TACR3: variants seen among roughly 807,000 people sequenced by gnomAD.
The protein encoded by TACR3 is tachykinin receptor 3.
A neutral mutation model predicts 35.0 loss-of-function variants in TACR3; 34 were observed. That is an observed-to-expected ratio of 0.97 (90% CI 0.74 to 1.30). The LOEUF is 1.30. Among genes scored for constraint, TACR3 ranks in the 50% most tolerant of loss-of-function variants. TACR3 has a pLI of 0.00. For synonymous variants in TACR3, 233 were observed against 221.1 expected, an observed-to-expected ratio of 1.05 and a Z score of -0.48; for missense variants, 558 against 591.7, an observed-to-expected ratio of 0.94 and a Z score of 0.59.
intron 3 of TACR3, among the ~76,000 whole-genome samples, chr4:103,642,051 G>C (rs1360457826): frequency 2.6e-5 from 4 of 151,852 alleles, no homozygotes; most frequent in African/African-American, 4.8e-5. Context: ...AAGGTCTACT[G>C]AACAGCATGA....
At chr4:103,676,140 C>A (rs1726165536) in intron 1 of TACR3, among the ~76,000 whole-genome samples, 1 of 152,146 alleles carries the variant, frequency 6.6e-6, no homozygotes, top group Non-Finnish European at 1.5e-5. Context: ...ATTTATTCTT[C>A]TCTGTGTTCT....
intron 3 of TACR3, among the ~76,000 whole-genome samples, chr4:103,606,499 A>C (rs1388990715): frequency 3.3e-5 from 5 of 151,842 alleles, no homozygotes; most frequent in African/African-American, 7.3e-5. Flanking sequence ...CTTTTATTTC[A>C]CTGAGCAGTG....
At chr4:103,709,759 C>A (rs141372666) in intron 1 of TACR3, among the ~76,000 whole-genome samples, 6,848 of 152,054 alleles carry the variant, frequency 0.045, 509 homozygotes, top group African/African-American at 0.16. Context: ...ATTCAGGAGA[C>A]CCATGTCACA....
rs754632263 is a variant in TACR3, at chr4:103,589,708, A to T, written c.1372T>A (p.Tyr458Asn). The T allele has an allele frequency of 6.2e-7, 1 of 1,613,986 alleles. No homozygotes were observed. Among genetic ancestry groups the T allele is most frequent in the Non-Finnish European group, 8.5e-7 (1 of 1,179,870 alleles). ...TAAGAATATTCATCCACAGAGGTAT[A>T]GGGTGAGCTTATGAAACTTGAAGTG... Reference protein sequence around the residue: ...SATSSFISSPYTSVDEYS With the variant: ...SATSSFISSPNTSVDEYS The change falls in exon 5 of 5, where the codon TAT becomes AAT. Residue 458 changes from tyrosine (Y) to asparagine (N), a missense_variant. Coordinates refer to ENST00000304883, the MANE Select transcript of TACR3 (RefSeq NM_001059.3).
At chr4:103,701,457 G>A (rs1306596540) in intron 1 of TACR3, among the ~76,000 whole-genome samples, 1 of 152,042 alleles carries the variant, frequency 6.6e-6, no homozygotes, top group Non-Finnish European at 1.5e-5. Context: ...TCAATATTGT[G>A]AAAATGGCCA....
At chr4:103,675,556 G>T (rs748881013) in intron 1 of TACR3, among the ~76,000 whole-genome samples, 2 of 152,202 alleles carry the variant, frequency 1.3e-5, no homozygotes, top group Non-Finnish European at 2.9e-5. Flanking sequence ...TCCAGGACTA[G>T]CAATGCCAGG....
At position 103,719,802 on chromosome 4, in the gene TACR3, G is replaced by T; in HGVS notation, c.-127C>A. The T allele has an allele frequency of 8.2e-7, 1 of 1,218,188 alleles. No individual in the cohort carries two copies. The highest frequency in any genetic ancestry group is 1.2e-6 in the Non-Finnish European group (1 of 862,366). 75.5% of individuals were successfully genotyped at this position (1,218,188 alleles called of 1,614,324 possible). A position where few individuals can be genotyped will look rare whatever the true frequency, so the allele number is the denominator to read the frequency against. ...GAGTCTTCAGATAAGACTGGAAGCT[G>T]AAAGATACTGCAATCCCTGCTGGTT... On this transcript the variant is annotated 5_prime_UTR_variant, in exon 1 of 5. Coordinates refer to ENST00000304883, the MANE Select transcript of TACR3 (RefSeq NM_001059.3).
At chr4:103,658,802 G>C (rs534490412) in intron 1 of TACR3, among the ~76,000 whole-genome samples, 1 of 152,092 alleles carries the variant, frequency 6.6e-6, no homozygotes, top group Non-Finnish European at 1.5e-5. Context: ...GGGAGCGATG[G>C]TGTGGGGATG....
intron 1 of TACR3, among the ~76,000 whole-genome samples, chr4:103,702,347 T>C (rs923694583): frequency 6.6e-6 from 1 of 152,030 alleles, no homozygotes; most frequent in Non-Finnish European, 1.5e-5. Context: ...AAAACCACAA[T>C]GAGATACCAT....
At chr4:103,713,116 C>CAT (rs1723006991) in intron 1 of TACR3, among the ~76,000 whole-genome samples, 1 of 152,104 alleles carries the variant, frequency 6.6e-6, no homozygotes, top group Non-Finnish European at 1.5e-5. Flanking sequence ...CCAGCCATCC[C>CAT]ATTACTGGGT....
chr4:103,600,858 C>T (rs1724181912), intron 3 of TACR3, among the ~76,000 whole-genome samples: 1 of 152,084 alleles, frequency 6.6e-6, no homozygotes, highest in Non-Finnish European at 1.5e-5. Flanking sequence ...TTTACATTTG[C>T]TGAGGAGTGC....
At chr4:103,626,322 G>C (rs116177345) in intron 3 of TACR3, among the ~76,000 whole-genome samples, 246 of 152,306 alleles carry the variant, frequency 1.6e-3, no homozygotes, top group African/African-American at 5.2e-3. Flanking sequence ...CCATCAGAGA[G>C]AGCCTGGTCA....
At chr4:103,673,659 A>C (rs1260635744) in intron 1 of TACR3, among the ~76,000 whole-genome samples, 1 of 152,180 alleles carries the variant, frequency 6.6e-6, no homozygotes, top group Admixed American at 6.5e-5. Flanking sequence ...CGAAAAAATG[A>C]AGTGACACAT....
intron 3 of TACR3, among the ~76,000 whole-genome samples, chr4:103,611,403 C>T (rs184531411): frequency 1.3e-5 from 2 of 151,978 alleles, no homozygotes; most frequent in Non-Finnish European, 2.9e-5. Context: ...GGATTGATTT[C>T]TTAATTTCTT....
At chr4:103,637,529 A>G (rs1725220655) in intron 3 of TACR3, among the ~76,000 whole-genome samples, 1 of 152,176 alleles carries the variant, frequency 6.6e-6, no homozygotes. Context: ...AAACTGGCAC[A>G]AGACAAGGAT....
intron 3 of TACR3, among the ~76,000 whole-genome samples, chr4:103,616,499 C>T (rs538519651): frequency 6.6e-6 from 1 of 152,128 alleles, no homozygotes; most frequent in East Asian, 1.9e-4. Flanking sequence ...TTGAGTCCCA[C>T]CAAACTAGAG....
chr4:103,622,527 C>T (rs150680238), intron 3 of TACR3, among the ~76,000 whole-genome samples: 3,686 of 152,100 alleles, frequency 0.024, 138 homozygotes, highest in African/African-American at 0.084. Context: ...GTCAGGAGAT[C>T]GAGACCATCC....
chr4:103,700,056 G>C (rs1276386432), intron 1 of TACR3, among the ~76,000 whole-genome samples: 1 of 152,088 alleles, frequency 6.6e-6, no homozygotes, highest in Non-Finnish European at 1.5e-5. Flanking sequence ...AGAAATATCT[G>C]TTGAGTGAGT....
At chr4:103,600,831 G>A (rs1724180728) in intron 3 of TACR3, among the ~76,000 whole-genome samples, 1 of 152,156 alleles carries the variant, frequency 6.6e-6, no homozygotes, top group Admixed American at 6.6e-5. Context: ...GAGACAGTTT[G>A]TTATAATTTC....
Sources: allele counts gnomAD v4.1 joint callset (sites outside exome capture counted in the v4.1 genomes callset), GRCh38; gene constraint gnomAD v4.1.1; transcripts MANE v1.5; gene names NCBI Gene and HGNC (gene_info 2026-07-23, HGNC 2026-07-21).